Variants in RAB3GAP2 observed in about 807,000 individuals in gnomAD.
RAB3GAP2 encodes rab3 GTPase-activating protein non-catalytic subunit.
RAB3GAP2 carries 87 observed loss-of-function variants against 185.3 expected under a neutral mutation model. The observed-to-expected ratio is 0.47, with a 90% CI of 0.39 to 0.56. The LOEUF is 0.56. Among genes scored for constraint, RAB3GAP2 ranks in the 20% least tolerant of loss-of-function variants. RAB3GAP2 has a pLI of 0.00. For synonymous variants in RAB3GAP2, 554 were observed against 576.1 expected (o/e 0.96, Z 0.55); for missense variants, 1,492 against 1,638.2 (o/e 0.91, Z 1.54).
chr1:220,254,710 T>A lies in RAB3GAP2; in HGVS notation c.115+17513A>T, dbSNP rs1238096312. On this transcript the variant is annotated intron_variant, in intron 1 of 34. Coordinates refer to ENST00000358951, the MANE Select transcript of RAB3GAP2 (RefSeq NM_012414.4). Reference sequence around the variant, plus strand: ...AAAAGGGGTAATAGCTCCTTTTTTCTTTTCTTTTTTTTTTTCATTTCAAAG... The same window carrying A: ...AAAAGGGGTAATAGCTCCTTTTTTCATTTCTTTTTTTTTTTCATTTCAAAG... 4.6e-5 allele frequency among the ~76,000 whole-genome samples: 7 copies of A among 151,846 alleles called. No individual in the cohort carries two copies. In the South Asian group the frequency reaches 1.5e-3, roughly 32 times the overall value.
chr1:220,220,517 G>A (rs753591827), intron 2 of RAB3GAP2: 3 of 152,382 alleles, frequency 2.0e-5, no homozygotes, highest in African/African-American at 4.8e-5. Context: ...CCTCTGTCCC[G>A]TTTGTGGATA....
intron 9 of RAB3GAP2, among the ~76,000 whole-genome samples, chr1:220,199,342 C>A (rs965564685): frequency 3.9e-5 from 6 of 152,066 alleles, no homozygotes; most frequent in Non-Finnish European, 8.8e-5. Flanking sequence ...TTCTTATGCT[C>A]CTTGTTTGTG....
chr1:220,266,656 A>C, intron 1 of RAB3GAP2: 1 of 1,448,718 alleles, frequency 6.9e-7, no homozygotes, highest in Admixed American at 1.7e-5. Flanking sequence ...TGTTCCTGAG[A>C]GGTTATACAG....
Position 220,272,209 on chromosome 1 carries a change from A to T in RAB3GAP2, c.115+14T>A. 1 of 1,588,504 alleles carries T rather than the reference A, an allele frequency of 6.3e-7. No individual in the cohort carries two copies. Among genetic ancestry groups the T allele is most frequent in the East Asian group, 2.3e-5 (1 of 44,224 alleles). ...TGACGAGGGAAGGAAGGGCGAGGCC[A>T]GAGAGGCACTTACTGGGGTCCCTCC... On this transcript the variant is annotated intron_variant, in intron 1 of 34. Transcript: ENST00000358951.
intron 2 of RAB3GAP2, among the ~76,000 whole-genome samples, chr1:220,214,376 A>G (rs187537687): frequency 1.6e-3 from 238 of 152,242 alleles, no homozygotes; most frequent in African/African-American, 5.4e-3. Flanking sequence ...TAATACAAAA[A>G]TTAGCCAGGT....
intron 1 of RAB3GAP2, among the ~76,000 whole-genome samples, chr1:220,244,235 A>G (rs571274260): frequency 2.0e-5 from 3 of 152,322 alleles, no homozygotes; most frequent in South Asian, 2.1e-4. Context: ...AATGTACACA[A>G]ATCAGTAGCA....
At position 220,245,517 on chromosome 1, in the gene RAB3GAP2, A is replaced by G. The variant is rs987635251; in HGVS notation, c.116-12654T>C. Among the ~76,000 whole-genome samples the G allele has an allele frequency of 2.6e-5, 4 of 152,288 alleles. No homozygotes were observed. The East Asian group carries it at 7.7e-4, about 29-fold the overall frequency. The stretch of plus-strand genomic sequence containing the variant: ...TCCCACACCTGGCTCGGAGGGTCCT[A>G]CGCCCATGGAATCTCGCTGATTGCT... On this transcript the variant is annotated intron_variant, in intron 1 of 34. Transcript: ENST00000358951.
chr1:220,257,750 G>A (rs1201852317), intron 1 of RAB3GAP2, among the ~76,000 whole-genome samples: 1 of 151,858 alleles, frequency 6.6e-6, no homozygotes, highest in Non-Finnish European at 1.5e-5. Context: ...AGGAGATAGA[G>A]GCACAAAAAG....
chr1:220,252,038 G>C (rs184861691), intron 1 of RAB3GAP2, among the ~76,000 whole-genome samples: 22 of 151,284 alleles, frequency 1.5e-4, no homozygotes, highest in African/African-American at 5.3e-4. Context: ...TGTAGTCCCA[G>C]TTATTTGGGG....
intron 2 of RAB3GAP2, among the ~76,000 whole-genome samples, chr1:220,223,470 T>A (rs937709449): frequency 1.3e-5 from 2 of 152,072 alleles, no homozygotes; most frequent in Non-Finnish European, 2.9e-5. Flanking sequence ...GAAAAACATA[T>A]GAAAGAATGA....
chr1:220,245,601 G>A (rs1012852087), intron 1 of RAB3GAP2, among the ~76,000 whole-genome samples: 14 of 151,986 alleles, frequency 9.2e-5, no homozygotes, highest in Admixed American at 6.5e-4. Flanking sequence ...AGGGGCGCCC[G>A]CCATTGCCCA....
Position 220,164,805 on chromosome 1 carries a change from A to C in RAB3GAP2, c.3088-6T>G. 6.2e-7 allele frequency: 1 copy of C among 1,605,624 alleles called. No individual in the cohort carries two copies. Among genetic ancestry groups the C allele is most frequent in the South Asian group, 1.1e-5 (1 of 89,910 alleles). On this transcript the variant is annotated splice_region_variant and splice_polypyrimidine_tract_variant and intron_variant, in intron 26 of 34. Transcript: ENST00000358951. ...CTAACAAAAAAACGTGCTTCCTTAC[A>C]TACAGGGAGAAAAAAACGAGAAAGA...
chr1:220,185,337 A>C (rs1658488870), intron 18 of RAB3GAP2, among the ~76,000 whole-genome samples: 1 of 152,154 alleles, frequency 6.6e-6, no homozygotes, highest in African/African-American at 2.4e-5. Flanking sequence ...AACTCTGTTC[A>C]CGAGGGAAAC....
chr1:220,241,633 C>T (rs879589864), intron 1 of RAB3GAP2, among the ~76,000 whole-genome samples: 21 of 152,110 alleles, frequency 1.4e-4, no homozygotes, highest in Non-Finnish European at 2.1e-4. Flanking sequence ...GAAGCTGCCT[C>T]TTATATTCCT....
At chr1:220,162,391 C>A in intron 27 of RAB3GAP2, 123 bp from the exon 28 acceptor site, 1 of 669,526 alleles carries the variant, frequency 1.5e-6, no homozygotes, top group South Asian at 1.8e-5. Flanking sequence ...TTTTATATCT[C>A]ATGTAATATT....
intron 21 of RAB3GAP2, among the ~76,000 whole-genome samples, chr1:220,174,474 A>G (rs942670337): frequency 6.6e-6 from 1 of 152,190 alleles, no homozygotes; most frequent in Non-Finnish European, 1.5e-5. Flanking sequence ...AACATGAAAT[A>G]AGCACATCAT....
chr1:220,254,018 T>C (rs1659987860), intron 1 of RAB3GAP2: 6 of 1,613,890 alleles, frequency 3.7e-6, no homozygotes, highest in Non-Finnish European at 5.1e-6. Context: ...GAGGAAACAT[T>C]CATGAACAGA....
chr1:220,167,338 T>A lies in RAB3GAP2; in HGVS notation c.3042A>T (p.Ala1014=). ...GAACAACGTACTCCCAGCAGCAATG[T>A]GCATGCAAGACATCGAGCTCAAGGC... ...PCSLELDVLH[A]HCCWEYVVQW... The change falls in exon 26 of 35, where the codon GCA becomes GCT. Residue 1014 remains alanine, a synonymous_variant. Coordinates refer to ENST00000358951, the MANE Select transcript of RAB3GAP2 (RefSeq NM_012414.4). 1 of 1,614,172 alleles carries A rather than the reference T, an allele frequency of 6.2e-7. No individual in the cohort carries two copies. The highest frequency in any genetic ancestry group is 8.5e-7 in the Non-Finnish European group (1 of 1,180,028).
intron 9 of RAB3GAP2, among the ~76,000 whole-genome samples, chr1:220,198,041 C>T (rs1264360940): frequency 6.6e-6 from 1 of 152,028 alleles, no homozygotes; most frequent in African/African-American, 2.4e-5. Flanking sequence ...CTAATTAATC[C>T]TACTATTTTT....
Sources: gnomAD v4.1 joint callset for allele counts (sites outside exome capture counted in the v4.1 genomes callset) on GRCh38, gnomAD v4.1.1 for gene constraint, MANE v1.5 for transcripts, NCBI Gene and HGNC (gene_info 2026-07-23, HGNC 2026-07-21) for gene names.